The following STK3 variants were observed in gnomAD, a reference collection of about 807,000 sequenced individuals.
STK3 encodes serine/threonine kinase 3, also known as serine/threonine-protein kinase 3.
STK3 carries 41 observed loss-of-function variants against 58.0 expected under a neutral mutation model. The observed-to-expected ratio is 0.71, with a 90% confidence interval of 0.55 to 0.92. STK3 has a LOEUF of 0.92. STK3 is among the 40% of genes least tolerant of loss of function. STK3 has a pLI of 0.00. For synonymous variants in STK3, 170 were observed against 191.0 expected (o/e 0.89, Z 0.91); for missense variants, 479 against 602.7 (o/e 0.79, Z 2.15).
At chr8:98,528,452 T>C (rs1337746147) in intron 9 of STK3, among the ~76,000 whole-genome samples, 3 of 152,178 alleles carry the variant, frequency 2.0e-5, no homozygotes, top group African/African-American at 4.8e-5. Flanking sequence ...ATTTCCCATA[T>C]AATTCTCCAA....
At chr8:98,806,801 A>C (rs973208146) in intron 1 of STK3, among the ~76,000 whole-genome samples, 1 of 152,098 alleles carries the variant, frequency 6.6e-6, no homozygotes, top group Non-Finnish European at 1.5e-5. Context: ...ATCACACACC[A>C]AATGTGAACT....
At chr8:98,747,002 A>G (rs1000046988) in intron 4 of STK3, among the ~76,000 whole-genome samples, 4 of 151,866 alleles carry the variant, frequency 2.6e-5, no homozygotes, top group Non-Finnish European at 5.9e-5. Context: ...TGATCACACC[A>G]CTGCATTCTA....
At chr8:98,395,946 A>G (rs1817893718) in intron 3 of STK3, among the ~76,000 whole-genome samples, 1 of 152,230 alleles carries the variant, frequency 6.6e-6, no homozygotes, top group Non-Finnish European at 1.5e-5. Context: ...TGAATGGTGC[A>G]GGAAAAATCT....
downstream of STK3, chr8:98,879,267 G>C (rs1394613216): frequency 6.6e-6 from 1 of 152,160 alleles, no homozygotes; most frequent in African/African-American, 2.4e-5. Context: ...GGGGAATAAT[G>C]AGAAGAAAGC....
At chr8:98,705,499 T>A (rs912669213) in intron 6 of STK3, among the ~76,000 whole-genome samples, 1 of 152,200 alleles carries the variant, frequency 6.6e-6, no homozygotes, top group Non-Finnish European at 1.5e-5. Flanking sequence ...CACTGTTACC[T>A]ATATTATCGA....
chr8:98,706,406 C>T (rs1433823825), intron 6 of STK3, 61 bp downstream of exon 6: 2 of 1,448,204 alleles, frequency 1.4e-6, no homozygotes, highest in East Asian at 4.9e-5. Flanking sequence ...CTTACATTGA[C>T]ATTACAAAAC....
intron 1 of STK3, chr8:98,889,892 C>T (rs1838133042): frequency 6.6e-6 from 1 of 152,178 alleles, no homozygotes; most frequent in African/African-American, 2.4e-5. Flanking sequence ...TCTACATGGT[C>T]AATTCCAAAT....
intron 6 of STK3, among the ~76,000 whole-genome samples, chr8:98,620,613 ATGC>A: frequency 6.6e-6 from 1 of 151,648 alleles, no homozygotes; most frequent in Admixed American, 6.6e-5. Context: ...TGTAGGACAC[ATGC>A]TGCTACTTGA....
chr8:98,849,629 T>C (rs538087631), intron 3 of STK3, among the ~76,000 whole-genome samples: 1 of 152,346 alleles, frequency 6.6e-6, no homozygotes, highest in African/African-American at 2.4e-5. Flanking sequence ...TTTCTACTTT[T>C]CAGCAATCCT....
At chr8:98,553,234 C>T (rs1811321668) in intron 8 of STK3, 1 of 152,124 alleles carries the variant, frequency 6.6e-6, no homozygotes, top group Non-Finnish European at 1.5e-5. Context: ...AGCTCAGACA[C>T]CCCAAGATTG....
chr8:98,618,593 G>C (rs1817977414), intron 6 of STK3, among the ~76,000 whole-genome samples: 1 of 146,838 alleles, frequency 6.8e-6, no homozygotes, highest in Admixed American at 6.8e-5. Context: ...ATCTCCTTAA[G>C]CTGATAAGCA....
chr8:98,921,900 G>T (rs988797245), intron 1 of STK3, among the ~76,000 whole-genome samples: 1 of 152,084 alleles, frequency 6.6e-6, no homozygotes, highest in African/African-American at 2.4e-5. Flanking sequence ...TGCCATGTTG[G>T]CCAGGCTGGT....
chr8:98,604,781 C>G (rs1366079122), intron 6 of STK3, among the ~76,000 whole-genome samples: 1 of 152,120 alleles, frequency 6.6e-6, no homozygotes, highest in Non-Finnish European at 1.5e-5. Context: ...TTCTGCTTCC[C>G]CTTTAAATAC....
chr8:98,855,728 C>T (rs1836643056), intron 3 of STK3, among the ~76,000 whole-genome samples: 1 of 152,070 alleles, frequency 6.6e-6, no homozygotes, highest in African/African-American at 2.4e-5. Flanking sequence ...AGGAGGCTTT[C>T]AGGCTGGGCA....
At chr8:98,711,206 G>T (rs902286473) in intron 4 of STK3, among the ~76,000 whole-genome samples, 1 of 152,082 alleles carries the variant, frequency 6.6e-6, no homozygotes, top group African/African-American at 2.4e-5. Flanking sequence ...AGAAAAACTG[G>T]AAACTCTAAA....
intron 9 of STK3, among the ~76,000 whole-genome samples, chr8:98,533,544 G>C (rs1809497621): frequency 6.6e-6 from 1 of 152,178 alleles, no homozygotes. Flanking sequence ...CTGGAGTGCA[G>C]TGGCATGATC....
intron 1 of STK3, among the ~76,000 whole-genome samples, chr8:98,916,141 G>A (rs147671773): frequency 1.5e-3 from 236 of 152,284 alleles, no homozygotes; most frequent in Middle Eastern, 0.01. Context: ...CTGGCCCGTC[G>A]TGGTGGCTCA....
At chr8:98,760,086 T>A (rs951057292) in intron 3 of STK3, among the ~76,000 whole-genome samples, 7 of 152,110 alleles carry the variant, frequency 4.6e-5, no homozygotes, top group South Asian at 4.2e-4. Context: ...GTTAGCTGAA[T>A]CTGTGGATGC....
At chr8:98,936,188 G>C (rs1393754454) in intron 1 of STK3, among the ~76,000 whole-genome samples, 1 of 152,094 alleles carries the variant, frequency 6.6e-6, no homozygotes, top group African/African-American at 2.4e-5. Flanking sequence ...AAAGTGCTGG[G>C]ATTACAGGCG....
Sources: allele counts gnomAD v4.1 joint callset (sites outside exome capture counted in the v4.1 genomes callset), GRCh38; gene constraint gnomAD v4.1.1; transcripts MANE v1.5; gene names NCBI Gene and HGNC (gene_info 2026-07-23, HGNC 2026-07-21).